FSIP1: variants seen among roughly 807,000 people sequenced by gnomAD.
FSIP1 encodes fibrous sheath interacting protein 1, also known as fibrous sheath-interacting protein 1.
A neutral mutation model predicts 60.9 loss-of-function variants in FSIP1; 65 were observed. The observed-to-expected ratio is 1.07, with a 90% CI of 0.87 to 1.31. The LOEUF (loss-of-function observed/expected upper bound fraction) is 1.31, where lower values mean the gene tolerates loss of function less well. Among genes scored for constraint, FSIP1 ranks in the 40% most tolerant of loss-of-function variants. The pLI, the probability that FSIP1 is intolerant of heterozygous loss-of-function variation, is 0.00. For synonymous variants in FSIP1, 209 were observed against 221.2 expected (o/e 0.94, Z 0.49); for missense variants, 675 against 665.5 (o/e 1.01, Z -0.16).
chr15:39,650,786 A>G (rs976909076), intron 10 of FSIP1, among the ~76,000 whole-genome samples: 1 of 152,214 alleles, frequency 6.6e-6, no homozygotes, highest in Non-Finnish European at 1.5e-5. Context: ...AAACAATCAG[A>G]TATCACCCCC....
chr15:39,661,595 C>A lies in FSIP1; in HGVS notation c.1189-43350G>T, dbSNP rs764255734. Among the ~76,000 whole-genome samples the A allele has an allele frequency of 2.6e-5, 4 of 152,104 alleles. No homozygotes were observed. The East Asian group carries it at 7.7e-4, about 29-fold the overall frequency. ...TGACCAGGTATTTTTCTGGACAGTA[C>A]GAGTGGAAATTCATTTTGCCCAAAA... is the stretch of plus-strand genomic sequence containing the variant. On this transcript the variant is annotated intron_variant, in intron 10 of 11. Coordinates refer to ENST00000350221, the MANE Select transcript of FSIP1 (RefSeq NM_152597.5).
intron 10 of FSIP1, among the ~76,000 whole-genome samples, chr15:39,653,388 C>T (rs1892953817): frequency 6.6e-6 from 1 of 152,180 alleles, no homozygotes; most frequent in Middle Eastern, 3.4e-3. Context: ...GTGAATTAAC[C>T]TCAGCTTAAC....
chr15:39,744,547 G>C (rs112921734), intron 5 of FSIP1, among the ~76,000 whole-genome samples: 3 of 152,090 alleles, frequency 2.0e-5, no homozygotes, highest in Admixed American at 6.6e-5. Flanking sequence ...AAATCCTGGA[G>C]GTGCATAGAG....
chr15:39,663,971 A>C lies in FSIP1; in HGVS notation c.1189-45726T>G, dbSNP rs78692901. 7.7e-3 allele frequency among the ~76,000 whole-genome samples: 1,174 copies of C among 152,312 alleles called. 25 individuals carry two copies. The highest frequency in any genetic ancestry group is 0.027 in the African/African-American group (1,122 of 41,560). ...GTCACTGATTTTGGATCCATTCCTAATGGTAACTAAAAGCTTTTTGAATTG... is the reference window on the plus strand; with the variant it reads ...GTCACTGATTTTGGATCCATTCCTACTGGTAACTAAAAGCTTTTTGAATTG... On this transcript the variant is annotated intron_variant, in intron 10 of 11. Transcript: ENST00000350221.
intron 10 of FSIP1, among the ~76,000 whole-genome samples, chr15:39,640,157 G>A (rs72725093): frequency 0.18 from 27,575 of 152,106 alleles, 3,041 homozygotes; most frequent in East Asian, 0.32. Context: ...TCAATTAACA[G>A]GGAGAGGCTG....
chr15:39,718,439 T>C (rs1895832797), intron 9 of FSIP1, among the ~76,000 whole-genome samples: 1 of 151,846 alleles, frequency 6.6e-6, no homozygotes, highest in Non-Finnish European at 1.5e-5. Flanking sequence ...TATTTTTTTG[T>C]AGTTCCTGAA....
chr15:39,622,622 C>T (rs1891480680), intron 10 of FSIP1, among the ~76,000 whole-genome samples: 1 of 152,154 alleles, frequency 6.6e-6, no homozygotes, highest in Admixed American at 6.5e-5. Context: ...TTGCAATAAA[C>T]CTATTAGGTA....
chr15:39,654,923 C>T (rs1030450186), intron 10 of FSIP1, among the ~76,000 whole-genome samples: 1 of 152,202 alleles, frequency 6.6e-6, no homozygotes, highest in African/African-American at 2.4e-5. Context: ...CATGAAATCA[C>T]GTGTCTTCTG....
chr15:39,746,266 G>A (rs1896990137), intron 5 of FSIP1, among the ~76,000 whole-genome samples: 1 of 152,030 alleles, frequency 6.6e-6, no homozygotes, highest in Non-Finnish European at 1.5e-5. Flanking sequence ...CAGCGCAGGG[G>A]CAGACTTAGA....
intron 10 of FSIP1, among the ~76,000 whole-genome samples, chr15:39,644,699 G>A (rs1431430559): frequency 2.0e-5 from 3 of 151,292 alleles, no homozygotes; most frequent in Non-Finnish European, 4.4e-5. Flanking sequence ...TCAGCACTAT[G>A]ATTTACAGGC....
chr15:39,708,770 C>G (rs1176958389), intron 10 of FSIP1, among the ~76,000 whole-genome samples: 1 of 152,198 alleles, frequency 6.6e-6, no homozygotes, highest in East Asian at 1.9e-4. Context: ...CCCAGAGCAG[C>G]TGTATGACAC....
chr15:39,610,407 C>T (rs887671092), intron 11 of FSIP1, among the ~76,000 whole-genome samples: 11 of 152,276 alleles, frequency 7.2e-5, no homozygotes, highest in Middle Eastern at 3.4e-3. Flanking sequence ...GACGGTCAGG[C>T]GCAGTGGCTC....
intron 9 of FSIP1, among the ~76,000 whole-genome samples, chr15:39,718,392 C>T (rs193116323): frequency 5.3e-5 from 8 of 151,742 alleles, no homozygotes; most frequent in Admixed American, 2.6e-4. Context: ...CAATAATTAA[C>T]TTGGCAAAAA....
chr15:39,658,018 AAC>A (rs1415422508), intron 10 of FSIP1, among the ~76,000 whole-genome samples: 1 of 152,192 alleles, frequency 6.6e-6, no homozygotes, highest in Non-Finnish European at 1.5e-5. Context: ...CTTAATTTGC[AAC>A]TTAACAAGAG....
intron 10 of FSIP1, among the ~76,000 whole-genome samples, chr15:39,686,933 T>C (rs865984211): frequency 7.2e-5 from 11 of 152,246 alleles, no homozygotes; most frequent in South Asian, 2.1e-4. Context: ...TGTATCTATT[T>C]GCAAAATATC....
At chr15:39,667,866 G>A (rs1263426595) in intron 10 of FSIP1, among the ~76,000 whole-genome samples, 2 of 152,212 alleles carry the variant, frequency 1.3e-5, no homozygotes, top group African/African-American at 4.8e-5. Flanking sequence ...GTTTGAAAAG[G>A]CAGGTGTTGA....
chr15:39,632,115 T>C (rs896750267), intron 10 of FSIP1, among the ~76,000 whole-genome samples: 9 of 152,188 alleles, frequency 5.9e-5, no homozygotes, highest in Non-Finnish European at 8.8e-5. Context: ...TAATTAAATA[T>C]GCTAAAATAT....
At chr15:39,680,896 C>A (rs1419982059) in intron 10 of FSIP1, among the ~76,000 whole-genome samples, 1 of 152,172 alleles carries the variant, frequency 6.6e-6, no homozygotes, top group African/African-American at 2.4e-5. Context: ...CTCAGAAAGC[C>A]AGGCCTTATG....
intron 10 of FSIP1, among the ~76,000 whole-genome samples, chr15:39,653,480 A>G (rs1232115435): frequency 6.6e-6 from 1 of 152,176 alleles, no homozygotes. Context: ...TAAAACACAA[A>G]CACATTAGCT....
Sources: gnomAD v4.1 joint callset for allele counts (sites outside exome capture counted in the v4.1 genomes callset) on GRCh38, gnomAD v4.1.1 for gene constraint, MANE v1.5 for transcripts, NCBI Gene and HGNC (gene_info 2026-07-23, HGNC 2026-07-21) for gene names.